CFAP61: variants seen among roughly 807,000 people sequenced by gnomAD.
CFAP61 encodes cilia- and flagella-associated protein 61.
In CFAP61, 107 loss-of-function variants were observed where a neutral mutation model predicts 135.6. The ratio of observed to expected loss-of-function variants is 0.79; its 90% confidence interval spans 0.67 to 0.93. The LOEUF is 0.93. CFAP61 is among the 40% of genes least tolerant of loss of function. The probability of loss-of-function intolerance (pLI) is 0.00; values close to 1 mark genes in which losing one functional copy is unlikely to be tolerated. For synonymous variants in CFAP61, 575 were observed against 578.5 expected (o/e 0.99, Z 0.09); for missense variants, 1,507 against 1,556.2 (o/e 0.97, Z 0.53).
intron 17 of CFAP61, among the ~76,000 whole-genome samples, chr20:20,225,029 G>A (rs949024184): frequency 2.0e-5 from 3 of 152,160 alleles, no homozygotes; most frequent in Admixed American, 1.3e-4. Flanking sequence ...AAGCTGGCTT[G>A]ACTCATAGGA....
At chr20:20,077,286 A>G (rs1439971892) in intron 6 of CFAP61, among the ~76,000 whole-genome samples, 2 of 152,230 alleles carry the variant, frequency 1.3e-5, no homozygotes, top group Non-Finnish European at 2.9e-5. Flanking sequence ...CAATCTCAGA[A>G]GGTTTATGCT....
At chr20:20,240,574 CTT>C (rs371680935) in intron 18 of CFAP61, among the ~76,000 whole-genome samples, 1 of 145,372 alleles carries the variant, frequency 6.9e-6, no homozygotes, top group Admixed American at 6.9e-5. Flanking sequence ...AGTCCGCCAT[CTT>C]TTTTTTTTTT....
chr20:20,111,900 G>A (rs1157593109), intron 8 of CFAP61, among the ~76,000 whole-genome samples: 1 of 152,038 alleles, frequency 6.6e-6, no homozygotes, highest in Non-Finnish European at 1.5e-5. Flanking sequence ...AGTTTTTTAT[G>A]AATCCCCCAG....
At chr20:20,181,513 C>A (rs1294456781) in intron 13 of CFAP61, among the ~76,000 whole-genome samples, 1 of 152,026 alleles carries the variant, frequency 6.6e-6, no homozygotes, top group Admixed American at 6.6e-5. Context: ...ACTCTGAGGA[C>A]TCAAGAAGGG....
Position 20,200,027 on chromosome 20 carries a change from C to A in CFAP61, c.1932+125C>A, listed in dbSNP as rs1316435106. ...AATTACAGGGAACCTGGTGCTCATACCCTTACAGGCGGAGCCCCGCGAAGG... is the reference window on the plus strand; with the variant it reads ...AATTACAGGGAACCTGGTGCTCATAACCTTACAGGCGGAGCCCCGCGAAGG... On this transcript the variant is annotated intron_variant, in intron 17 of 26. Transcript: ENST00000245957. 8 of 1,137,048 alleles carry A rather than the reference C, an allele frequency of 7.0e-6. No individual in the cohort carries two copies. In the East Asian group the frequency reaches 1.7e-4, roughly 24 times the overall value. 70.4% of individuals were successfully genotyped at this position (1,137,048 alleles called of 1,614,324 possible). A position where few individuals can be genotyped will look rare whatever the true frequency, so the allele number is the denominator to read the frequency against.
chr20:20,201,231 C>A lies in CFAP61; in HGVS notation c.1932+1329C>A, dbSNP rs7265803. Among the ~76,000 whole-genome samples, 644 of 152,276 alleles carry A rather than the reference C, an allele frequency of 4.2e-3. 10 individuals are homozygous for A. Among genetic ancestry groups the A allele is most frequent in the African/African-American group, 0.015 (625 of 41,558 alleles). On this transcript the variant is annotated intron_variant, in intron 17 of 26. Transcript: ENST00000245957. ...AAAGCTTCTGAATGCTTCTCTCGGT[C>A]TCTCTTACTCATATCTTCATAGACT... is the stretch of plus-strand genomic sequence containing the variant.
intron 3 of CFAP61, among the ~76,000 whole-genome samples, chr20:20,073,583 C>G (rs1568836046): frequency 1.3e-5 from 2 of 152,232 alleles, no homozygotes; most frequent in African/African-American, 4.8e-5. Flanking sequence ...AAGATTTGTT[C>G]ATAAGCACAG....
intron 22 of CFAP61, among the ~76,000 whole-genome samples, chr20:20,279,400 T>A (rs563690128): frequency 6.6e-6 from 1 of 152,338 alleles, no homozygotes; most frequent in South Asian, 2.1e-4. Context: ...ATTTTATATG[T>A]ATTGTATACT....
At chr20:20,235,461 C>G (rs2146959425) in intron 18 of CFAP61, among the ~76,000 whole-genome samples, 1 of 152,220 alleles carries the variant, frequency 6.6e-6, no homozygotes, top group South Asian at 2.1e-4. Flanking sequence ...TTCACGAGAC[C>G]TGCAGGGACA....
chr20:20,211,413 A>G (rs1213403085), intron 17 of CFAP61, among the ~76,000 whole-genome samples: 1 of 152,242 alleles, frequency 6.6e-6, no homozygotes, highest in Non-Finnish European at 1.5e-5. Flanking sequence ...ATGTTGCCTC[A>G]AGACCATTAA....
At chr20:20,253,637 C>T (rs1324142613) in intron 20 of CFAP61, 6 of 457,496 alleles carry the variant, frequency 1.3e-5, no homozygotes, top group East Asian at 1.2e-4. Context: ...ACTGTTTGGC[C>T]TGGACGCACC....
chr20:20,127,154 G>A (rs973351615), intron 8 of CFAP61, among the ~76,000 whole-genome samples: 3 of 151,516 alleles, frequency 2.0e-5, no homozygotes, highest in Non-Finnish European at 2.9e-5. Flanking sequence ...CTTGCATTGG[G>A]CTTCGCCTTT....
At chr20:20,350,785 G>A (rs1435729209) in intron 26 of CFAP61, among the ~76,000 whole-genome samples, 1 of 152,224 alleles carries the variant, frequency 6.6e-6, no homozygotes, top group Non-Finnish European at 1.5e-5. Flanking sequence ...ATGTGGTCTA[G>A]CCACGCAATG....
chr20:20,273,743 C>T (rs1049350265), intron 21 of CFAP61, among the ~76,000 whole-genome samples: 15 of 152,176 alleles, frequency 9.9e-5, no homozygotes, highest in Admixed American at 5.2e-4. Context: ...CATCTCGCTG[C>T]GAAGCCTGGC....
chr20:20,271,840 T>C (rs1289839271), intron 21 of CFAP61, among the ~76,000 whole-genome samples: 1 of 152,222 alleles, frequency 6.6e-6, no homozygotes, highest in Non-Finnish European at 1.5e-5. Context: ...AAGCTGGTCA[T>C]TTCTCATCTG....
In CFAP61 at chr20:20,164,244, C is replaced by T; in HGVS notation, c.1205+16C>T. 1 of 1,590,678 alleles carries T rather than the reference C, an allele frequency of 6.3e-7. No individual in the cohort carries two copies. Among genetic ancestry groups the T allele is most frequent in the Non-Finnish European group, 8.6e-7 (1 of 1,165,988 alleles). Reference sequence around the variant, plus strand: ...ATGAAGCAAGGCAAGTACTGACCTTCTGGCTGGCTGTCACAGTGAGAATCT... The same window carrying T: ...ATGAAGCAAGGCAAGTACTGACCTTTTGGCTGGCTGTCACAGTGAGAATCT... On this transcript the variant is annotated intron_variant, in intron 11 of 26. Coordinates refer to ENST00000245957, the MANE Select transcript of CFAP61 (RefSeq NM_015585.4).
At chr20:20,262,034 T>A (rs2052277572) in intron 20 of CFAP61, among the ~76,000 whole-genome samples, 1 of 152,210 alleles carries the variant, frequency 6.6e-6, no homozygotes, top group Non-Finnish European at 1.5e-5. Context: ...AATAATAATC[T>A]GTTTCTTTCC....
At chr20:20,124,883 A>G (rs1401494570) in intron 8 of CFAP61, among the ~76,000 whole-genome samples, 1 of 151,728 alleles carries the variant, frequency 6.6e-6, no homozygotes, top group East Asian at 1.9e-4. Context: ...TTAAATTACC[A>G]TTTCAACCTC....
At chr20:20,091,152 C>T (rs1321282050) in intron 7 of CFAP61, among the ~76,000 whole-genome samples, 176 bp downstream of exon 7, 3 of 152,114 alleles carry the variant, frequency 2.0e-5, no homozygotes, top group Admixed American at 1.3e-4. Context: ...GGGTTACTGG[C>T]TTTAGGTTGT....
Sources: allele counts gnomAD v4.1 joint callset (sites outside exome capture counted in the v4.1 genomes callset), GRCh38; gene constraint gnomAD v4.1.1; transcripts MANE v1.5; gene names NCBI Gene and HGNC (gene_info 2026-07-23, HGNC 2026-07-21).